Variants in EPHA3 observed in about 807,000 individuals in gnomAD.
EPHA3 encodes ephrin type-A receptor 3.
Under a neutral mutation model 107.1 loss-of-function variants are expected in EPHA3, and 42 were observed. The ratio of observed to expected loss-of-function variants is 0.39; its 90% CI spans 0.31 to 0.51. The LOEUF (loss-of-function observed/expected upper bound fraction) is 0.51. Ranked by LOEUF, EPHA3 falls within the 20% of genes least tolerant of loss-of-function variation. The probability of loss-of-function intolerance (pLI) is 0.78; values close to 1 mark genes in which losing one functional copy is unlikely to be tolerated. For synonymous variants in EPHA3, 461 were observed against 424.8 expected, an observed-to-expected ratio of 1.09 and a Z score of -1.05; for missense variants, 1,183 against 1,211.2, an observed-to-expected ratio of 0.98 and a Z score of 0.35.
At chr3:89,235,023 TTCCCTCCCTCCC>T (rs369198690) in intron 3 of EPHA3, among the ~76,000 whole-genome samples, 5 of 120,284 alleles carry the variant, frequency 4.2e-5, no homozygotes, top group Non-Finnish European at 8.7e-5. Flanking sequence ...TTCCCTCCCC[TTCCCTCCCTCCC>T]TCCCTCCCTC....
chr3:89,444,571 T>C (rs1709845547), intron 13 of EPHA3, among the ~76,000 whole-genome samples: 1 of 152,158 alleles, frequency 6.6e-6, no homozygotes, highest in South Asian at 2.1e-4. Context: ...CTTTCCCTTG[T>C]AGCATCTTTT....
intron 10 of EPHA3, among the ~76,000 whole-genome samples, chr3:89,414,497 A>G (rs986876328): frequency 1.6e-4 from 24 of 151,620 alleles, no homozygotes; most frequent in African/African-American, 5.8e-4. Context: ...TTCAGTCCTG[A>G]CTTCTGAACA....
intron 5 of EPHA3, among the ~76,000 whole-genome samples, chr3:89,395,627 C>G (rs1292124435): frequency 9.2e-5 from 14 of 152,108 alleles, no homozygotes; most frequent in Admixed American, 9.2e-4. Context: ...CCTGCATGTA[C>G]CAGGGCTATA....
At chr3:89,373,969 C>T in intron 5 of EPHA3, among the ~76,000 whole-genome samples, 1 of 151,732 alleles carries the variant, frequency 6.6e-6, no homozygotes, top group East Asian at 1.9e-4. Flanking sequence ...AGGTGCTATT[C>T]AATACTATAT....
At chr3:89,391,916 A>T (rs1576354256) in intron 5 of EPHA3, among the ~76,000 whole-genome samples, 1 of 152,156 alleles carries the variant, frequency 6.6e-6, no homozygotes, top group Non-Finnish European at 1.5e-5. Context: ...TACAACAAAA[A>T]TGTATTTTAC....
intron 11 of EPHA3, among the ~76,000 whole-genome samples, chr3:89,427,266 T>C (rs1449179328): frequency 6.6e-6 from 1 of 151,912 alleles, no homozygotes; most frequent in Non-Finnish European, 1.5e-5. Context: ...CTGGAATATA[T>C]TCAAATTACT....
At chr3:89,345,594 C>T (rs1428000921) in intron 5 of EPHA3, among the ~76,000 whole-genome samples, 1 of 148,020 alleles carries the variant, frequency 6.8e-6, no homozygotes. Flanking sequence ...CTGAACACTT[C>T]AGTGACAATT....
chr3:89,327,472 C>T (rs1177494197), intron 3 of EPHA3, among the ~76,000 whole-genome samples: 1 of 151,990 alleles, frequency 6.6e-6, no homozygotes, highest in Non-Finnish European at 1.5e-5. Flanking sequence ...AAACTGTAAG[C>T]GCTAAGAAAC....
At chr3:89,391,135 A>G (rs1482965667) in intron 5 of EPHA3, among the ~76,000 whole-genome samples, 1 of 152,140 alleles carries the variant, frequency 6.6e-6, no homozygotes, top group Non-Finnish European at 1.5e-5. Context: ...TACTAGATAT[A>G]TAGGGTGAAA....
At chr3:89,179,674 A>AT (rs1280798987) in intron 2 of EPHA3, among the ~76,000 whole-genome samples, 1 of 151,612 alleles carries the variant, frequency 6.6e-6, no homozygotes, top group Non-Finnish European at 1.5e-5. Context: ...CTGTAAAAAA[A>AT]AAAAAAAAGA....
intron 5 of EPHA3, among the ~76,000 whole-genome samples, chr3:89,381,834 A>G (rs558533449): frequency 1.3e-5 from 2 of 152,244 alleles, no homozygotes; most frequent in South Asian, 2.1e-4. Context: ...TGCGCAATCT[A>G]TGAATCGGGA....
chr3:89,292,611 G>A (rs1355121482), intron 3 of EPHA3, among the ~76,000 whole-genome samples: 1 of 152,058 alleles, frequency 6.6e-6, no homozygotes, highest in Non-Finnish European at 1.5e-5. Context: ...AATATGTAAA[G>A]AATAAAATTC....
intron 3 of EPHA3, among the ~76,000 whole-genome samples, chr3:89,239,038 C>T (rs115816138): frequency 2.2e-3 from 328 of 152,268 alleles, no homozygotes; most frequent in African/African-American, 7.6e-3. Context: ...GCCACATTCC[C>T]ATGCTCAAGA....
intron 1 of EPHA3, among the ~76,000 whole-genome samples, chr3:89,126,213 A>G (rs1222693623): frequency 6.6e-6 from 1 of 151,706 alleles, no homozygotes. Context: ...ATGCATGCTT[A>G]GTTTATGTAA....
intron 10 of EPHA3, among the ~76,000 whole-genome samples, chr3:89,418,552 CT>C (rs369207417): frequency 0.011 from 1,600 of 147,644 alleles, 30 homozygotes; most frequent in African/African-American, 0.035. Flanking sequence ...ACATTGAAGA[CT>C]TTTTTTTTTA....
intron 5 of EPHA3, among the ~76,000 whole-genome samples, chr3:89,350,938 G>A (rs1248217674): frequency 8.6e-5 from 13 of 151,364 alleles, no homozygotes; most frequent in Non-Finnish European, 1.5e-4. Context: ...CGGGGGTCAG[G>A]GGTCAGGGAC....
At chr3:89,261,718 G>T (rs1261161584) in intron 3 of EPHA3, among the ~76,000 whole-genome samples, 1 of 152,014 alleles carries the variant, frequency 6.6e-6, no homozygotes, top group Middle Eastern at 3.4e-3. Flanking sequence ...TATCAGATAC[G>T]CACTCATTTA....
chr3:89,427,849 C>A (rs1417643190), intron 11 of EPHA3, among the ~76,000 whole-genome samples: 1 of 151,536 alleles, frequency 6.6e-6, no homozygotes, highest in African/African-American at 2.4e-5. Flanking sequence ...TTACATAATT[C>A]TAATCATGAA....
rs557920159 is a variant in EPHA3, at chr3:89,138,162, C to T, written c.153+10889C>T. 5.3e-5 allele frequency among the ~76,000 whole-genome samples: 8 copies of T among 151,882 alleles called. No individual in the cohort carries two copies. The South Asian group carries it at 1.2e-3, about 24-fold the overall frequency. On this transcript the variant is annotated intron_variant, in intron 2 of 16. Transcript: ENST00000336596. ...TGTGTATAATTCATGATTAATATAA[C>T]TGTTGATATTTTTAAAATATTGGAT...
Sources: gnomAD v4.1 joint callset for allele counts (sites outside exome capture counted in the v4.1 genomes callset) on GRCh38, gnomAD v4.1.1 for gene constraint, MANE v1.5 for transcripts, NCBI Gene and HGNC (gene_info 2026-07-23, HGNC 2026-07-21) for gene names.